VCL: variants seen among roughly 807,000 people sequenced by gnomAD.
The protein encoded by VCL is epididymis luminal protein 114.
VCL carries 47 observed loss-of-function variants against 125.7 expected under a neutral mutation model. The ratio of observed to expected loss-of-function variants is 0.37; its 90% CI spans 0.30 to 0.48. The LOEUF (loss-of-function observed/expected upper bound fraction) is 0.48. Among genes scored for constraint, VCL ranks in the 20% least tolerant of loss-of-function variants. The pLI is 0.99. For synonymous variants in VCL, 458 were observed against 514.6 expected (o/e 0.89, Z 1.49); for missense variants, 1,069 against 1,455.5 (o/e 0.73, Z 4.32).
intron 1 of VCL, among the ~76,000 whole-genome samples, chr10:74,004,361 G>A (rs1461589731): frequency 6.6e-6 from 1 of 152,086 alleles, no homozygotes; most frequent in Non-Finnish European, 1.5e-5. Flanking sequence ...AGATGAGGGA[G>A]GATACTGTAG....
chr10:74,091,973 A>G (rs2131911509), intron 10 of VCL, among the ~76,000 whole-genome samples: 1 of 152,032 alleles, frequency 6.6e-6, no homozygotes, highest in East Asian at 1.9e-4. Context: ...CAGTGGCGTG[A>G]TCTTGGCTCA....
At chr10:74,034,315 C>G (rs1840934076) in intron 1 of VCL, among the ~76,000 whole-genome samples, 1 of 152,160 alleles carries the variant, frequency 6.6e-6, no homozygotes, top group South Asian at 2.1e-4. Context: ...CTCTCCACAT[C>G]TCCTCTCTAC....
intron 1 of VCL, among the ~76,000 whole-genome samples, chr10:74,027,345 GC>G (rs1840791325): frequency 6.6e-6 from 1 of 150,486 alleles, no homozygotes; most frequent in Non-Finnish European, 1.5e-5. Context: ...ACATGTGGGA[GC>G]CCAGCTAGTC....
chr10:74,018,221 TA>T (rs1465164504), intron 1 of VCL, among the ~76,000 whole-genome samples: 1 of 138,388 alleles, frequency 7.2e-6, no homozygotes, highest in Middle Eastern at 3.8e-3. Flanking sequence ...TATATATGTG[TA>T]TTATTTTATT....
intron 2 of VCL, among the ~76,000 whole-genome samples, chr10:74,052,262 A>G (rs371550006): frequency 1.3e-5 from 2 of 151,300 alleles, no homozygotes; most frequent in Non-Finnish European, 1.5e-5. Flanking sequence ...ACTGACTCCT[A>G]CTTCAATTAC....
At chr10:74,057,458 T>G (rs1327314091) in intron 2 of VCL, among the ~76,000 whole-genome samples, 1 of 152,128 alleles carries the variant, frequency 6.6e-6, no homozygotes, top group East Asian at 1.9e-4. Context: ...TCATTTTCAC[T>G]TAGATCTTTG....
intron 13 of VCL, among the ~76,000 whole-genome samples, chr10:74,099,464 C>T (rs1840017774): frequency 6.6e-6 from 1 of 152,140 alleles, no homozygotes. Flanking sequence ...AGTATCAGTG[C>T]TTAGCTCTAT....
At chr10:74,023,124 G>A (rs1026200231) in intron 1 of VCL, among the ~76,000 whole-genome samples, 1 of 152,192 alleles carries the variant, frequency 6.6e-6, no homozygotes, top group Admixed American at 6.5e-5. Context: ...TAGTGTGTAC[G>A]TGCTTTGCCT....
At chr10:74,104,509 G>A (rs755776994) in intron 15 of VCL, among the ~76,000 whole-genome samples, 10 of 152,120 alleles carry the variant, frequency 6.6e-5, no homozygotes, top group Non-Finnish European at 1.2e-4. Flanking sequence ...GCTTTTTGCT[G>A]TCCCTGCAGA....
intron 2 of VCL, among the ~76,000 whole-genome samples, chr10:74,065,810 A>T (rs1841560844): frequency 1.3e-5 from 2 of 152,138 alleles, no homozygotes; most frequent in South Asian, 2.1e-4. Context: ...AGAAGTATTC[A>T]ATTGATAAAA....
At chr10:74,114,060 C>T in intron 19 of VCL, 124 bp from the exon 20 acceptor site, 1 of 1,142,490 alleles carries the variant, frequency 8.8e-7, no homozygotes, top group South Asian at 1.3e-5. Context: ...CTTTTCTCCT[C>T]TTCTCACCCT....
chr10:74,064,349 C>T (rs1181302230), intron 2 of VCL, among the ~76,000 whole-genome samples: 2 of 152,102 alleles, frequency 1.3e-5, no homozygotes, highest in African/African-American at 4.8e-5. Flanking sequence ...GGAACCAGCT[C>T]CCGTTTTGAA....
In VCL at chr10:74,114,193, A is replaced by G; in HGVS notation, c.2959A>G (p.Ile987Val). The change falls in exon 20 of 22, where the codon ATC (isoleucine) becomes GTC (valine). Residue 987 changes from isoleucine to valine, a missense_variant. Transcript: ENST00000211998. ...CTTTGCTTCCCTCTAGGGCAATGAC[A>G]TCATTGCAGCAGCCAAGCGCATGGC... ...ATKWSSKGNDIIAAAKRMALL... is the reference protein window; with the variant it reads ...ATKWSSKGNDVIAAAKRMALL... 2.5e-6 allele frequency: 4 copies of G among 1,613,214 alleles called. No homozygotes were observed. Among genetic ancestry groups the G allele is most frequent in the Non-Finnish European group, 3.4e-6 (4 of 1,179,950 alleles).
At chr10:74,007,795 C>T (rs1472525117) in intron 1 of VCL, among the ~76,000 whole-genome samples, 1 of 151,722 alleles carries the variant, frequency 6.6e-6, no homozygotes, top group African/African-American at 2.4e-5. Context: ...TGCGCTCAGC[C>T]TAAATTTTTT....
At chr10:74,015,290 C>T (rs911387418) in intron 1 of VCL, among the ~76,000 whole-genome samples, 1 of 152,320 alleles carries the variant, frequency 6.6e-6, no homozygotes, top group South Asian at 2.1e-4. Context: ...CTGTGGCTCA[C>T]GCCTGTAATC....
rs185079820 is a variant in VCL at position 74,051,882 on chromosome 10, G to A, written c.239+8729G>A. ...AGTGGTGTTAGCAACTTTTATTGAA[G>A]CAGCAGTGTACAGCAGCAGCAGCAG... is the stretch of plus-strand genomic sequence containing the variant. On this transcript the variant is annotated intron_variant, in intron 2 of 21. Coordinates refer to ENST00000211998, the MANE Select transcript of VCL (RefSeq NM_014000.3). Among the ~76,000 whole-genome samples, 384 of 152,300 alleles carry A rather than the reference G, an allele frequency of 2.5e-3. 1 individual carries two copies. The highest frequency in any genetic ancestry group is 4.7e-3 in the Non-Finnish European group (317 of 68,020).
At chr10:74,039,173 A>G (rs554699412) in intron 1 of VCL, among the ~76,000 whole-genome samples, 82 of 152,084 alleles carry the variant, frequency 5.4e-4, no homozygotes, top group Non-Finnish European at 8.8e-4. Flanking sequence ...CGGCCTCCCA[A>G]AGTGCTGGGA....
Position 73,998,123 on chromosome 10 carries a change from G to A in VCL, c.-85G>A. 2 of 1,556,786 alleles carry A rather than the reference G, an allele frequency of 1.3e-6. No homozygotes were observed. The highest frequency in any genetic ancestry group is 8.7e-7 in the Non-Finnish European group (1 of 1,151,834). On this transcript the variant is annotated 5_prime_UTR_variant, in exon 1 of 22. Coordinates refer to ENST00000211998, the MANE Select transcript of VCL (RefSeq NM_014000.3). Reference sequence around the variant, plus strand: ...GGGAAGCCCCGACTCCGTAGTCGCTGCACAGTCTGTCTCTTCGCCGGTTCC... The same window carrying A: ...GGGAAGCCCCGACTCCGTAGTCGCTACACAGTCTGTCTCTTCGCCGGTTCC...
At chr10:74,062,096 A>C (rs1284363759) in intron 2 of VCL, among the ~76,000 whole-genome samples, 1 of 151,118 alleles carries the variant, frequency 6.6e-6, no homozygotes, top group South Asian at 2.1e-4. Context: ...ATGGGGTCTT[A>C]CTCTGTTGCC....
Sources: allele counts gnomAD v4.1 joint callset (sites outside exome capture counted in the v4.1 genomes callset), GRCh38; gene constraint gnomAD v4.1.1; transcripts MANE v1.5; gene names NCBI Gene and HGNC (gene_info 2026-07-23, HGNC 2026-07-21).